Variants in FKBP5 observed in about 807,000 individuals in gnomAD.
The protein encoded by FKBP5 is FKBP prolyl isomerase 5.
Under a neutral mutation model 50.5 loss-of-function variants are expected in FKBP5, and 23 were observed. The observed-to-expected ratio is 0.46, with a 90% CI of 0.33 to 0.65. The LOEUF is 0.65. FKBP5 is among the 30% of genes least tolerant of loss of function. The pLI is 0.02. For missense variants in FKBP5, 411 were observed against 553.1 expected (o/e 0.74, Z 2.58); for synonymous variants, 176 against 190.6 (o/e 0.92, Z 0.63).
intron 1 of FKBP5, among the ~76,000 whole-genome samples, chr6:35,683,120 ATGTG>A (rs35830022): frequency 0.081 from 6,504 of 80,074 alleles, 226 homozygotes; most frequent in South Asian, 0.091. Context: ...ATATACGTAT[ATGTG>A]TGTGTGTGTG....
At chr6:35,669,600 C>T (rs114623987) in intron 1 of FKBP5, among the ~76,000 whole-genome samples, 2,562 of 152,272 alleles carry the variant, frequency 0.017, 36 homozygotes, top group African/African-American at 0.033. Flanking sequence ...TACATAAACA[C>T]ACCCCAGCCA....
intron 1 of FKBP5, among the ~76,000 whole-genome samples, chr6:35,671,279 T>TA (rs1487683400): frequency 6.7e-6 from 1 of 148,732 alleles, no homozygotes; most frequent in Non-Finnish European, 1.5e-5. Flanking sequence ...AAAAAAAAAA[T>TA]AATAAATAAA....
At chr6:35,612,962 G>A (rs955219464) in intron 5 of FKBP5, among the ~76,000 whole-genome samples, 1 of 152,210 alleles carries the variant, frequency 6.6e-6, no homozygotes, top group Admixed American at 6.5e-5. Flanking sequence ...TAAAAAAACT[G>A]AATGCTCCAC....
At chr6:35,656,646 T>C (rs983315567) in intron 1 of FKBP5, among the ~76,000 whole-genome samples, 6 of 152,106 alleles carry the variant, frequency 3.9e-5, no homozygotes, top group Non-Finnish European at 7.4e-5. Flanking sequence ...TCCCAGCACT[T>C]TGGGAGGCCG....
rs764825190 is a variant in FKBP5 at position 35,602,798 on chromosome 6, T to G, written c.509-5394A>C. Among the ~76,000 whole-genome samples, 11 of 152,270 alleles carry G rather than the reference T, an allele frequency of 7.2e-5. 1 individual carries two copies. In the South Asian group the frequency reaches 1.9e-3, roughly 26 times the overall value. On this transcript the variant is annotated intron_variant, in intron 5 of 10. Coordinates refer to ENST00000357266, the MANE Select transcript of FKBP5 (RefSeq NM_004117.4). ...ACTGACGGACAGATGCTAACAGGCG[T>G]GGAACCTGGCTCCTGGAACTGAATA...
rs1380643902 is a variant in FKBP5 at position 35,610,592 on chromosome 6, G to C, written c.508+8504C>G. Reference sequence around the variant, plus strand: ...CAAAAAAAAAAAAAAAAAAAAAAAAGTTTCAAAAAATACATTCATTTTCCC... The same window carrying C: ...CAAAAAAAAAAAAAAAAAAAAAAAACTTTCAAAAAATACATTCATTTTCCC... On this transcript the variant is annotated intron_variant, in intron 5 of 10. Coordinates refer to ENST00000357266, the MANE Select transcript of FKBP5 (RefSeq NM_004117.4). Among the ~76,000 whole-genome samples, 3 of 99,980 alleles carry C rather than the reference G, an allele frequency of 3.0e-5. No homozygotes were observed. In the East Asian group the frequency reaches 9.6e-4, roughly 32 times the overall value. 65.6% of individuals were successfully genotyped at this position (99,980 alleles called of 152,430 possible). A position where few individuals can be genotyped will look rare whatever the true frequency, so the allele number is the denominator to read the frequency against.
intron 1 of FKBP5, among the ~76,000 whole-genome samples, chr6:35,670,235 T>C (rs1311410343): frequency 6.6e-6 from 1 of 152,184 alleles, no homozygotes; most frequent in African/African-American, 2.4e-5. Flanking sequence ...ACATGAATCA[T>C]GATTCACGAT....
chr6:35,591,996 A>C (rs10498734), intron 6 of FKBP5, among the ~76,000 whole-genome samples: 9,701 of 152,290 alleles, frequency 0.064, 462 homozygotes, highest in Admixed American at 0.12. Context: ...CCAGCAAATT[A>C]AATGTATTCG....
intron 1 of FKBP5, among the ~76,000 whole-genome samples, chr6:35,688,282 C>G (rs1028447917): frequency 1.3e-5 from 2 of 152,080 alleles, no homozygotes; most frequent in Non-Finnish European, 2.9e-5. Flanking sequence ...CGCGGCGTCC[C>G]GGCGCTCGGC....
chr6:35,700,985 A>T (rs1766171431), intron 2 of FKBP5, among the ~76,000 whole-genome samples: 3 of 152,058 alleles, frequency 2.0e-5, no homozygotes, highest in African/African-American at 7.2e-5. Flanking sequence ...ATAAATAAAT[A>T]AAAAAATTTA....
chr6:35,696,098 T>G (rs540036199), intron 2 of FKBP5, among the ~76,000 whole-genome samples: 1 of 137,424 alleles, frequency 7.3e-6, no homozygotes, highest in South Asian at 2.3e-4. Flanking sequence ...TGAACCGAGA[T>G]CGTGCCACTG....
intron 2 of FKBP5, among the ~76,000 whole-genome samples, chr6:35,698,461 A>G (rs372474347): frequency 1.3e-5 from 2 of 152,010 alleles, no homozygotes; most frequent in African/African-American, 4.8e-5. Context: ...AGCCTGGCCA[A>G]TATGGTGAAA....
At chr6:35,642,684 G>T in intron 2 of FKBP5, 36 bp downstream of exon 2, 1 of 1,528,026 alleles carries the variant, frequency 6.5e-7, no homozygotes, top group Non-Finnish European at 9.0e-7. Flanking sequence ...CCAGACAGCA[G>T]GTTTCCTTGT....
intron 3 of FKBP5, among the ~76,000 whole-genome samples, chr6:35,629,347 C>T (rs1764086433): frequency 6.6e-6 from 1 of 152,296 alleles, no homozygotes; most frequent in South Asian, 2.1e-4. Flanking sequence ...TTCAACTGAT[C>T]CTCCTGCCTT....
Position 35,589,078 on chromosome 6 carries a change from TTATATATATATTTTTATA to T in FKBP5, c.757-1979_757-1962del, listed in dbSNP as rs1248674627. Among the ~76,000 whole-genome samples, 673 of 137,072 alleles carry T rather than the reference TTATATATATATTTTTATA, an allele frequency of 4.9e-3. 8 individuals carry two copies. The highest frequency in any genetic ancestry group is 0.016 in the African/African-American group (576 of 35,622). 89.9% of individuals were successfully genotyped at this position (137,072 alleles called of 152,430 possible). A position where few individuals can be genotyped will look rare whatever the true frequency, so the allele number is the denominator to read the frequency against. ...TGTGTATGTGTGTGTGTGTATATAT[TTATATATATATTTTTATA>T]TATATATATATTTTTATATATATAT... On this transcript the variant is annotated intron_variant, in intron 7 of 10. Transcript: ENST00000357266.
intron 5 of FKBP5, among the ~76,000 whole-genome samples, chr6:35,611,114 C>T (rs1348776870): frequency 6.6e-6 from 1 of 152,030 alleles, no homozygotes; most frequent in East Asian, 2.0e-4. Context: ...ACACCTGTCT[C>T]GGGTTGGATT....
chr6:35,670,740 AAAAG>A (rs1318419725), intron 1 of FKBP5, among the ~76,000 whole-genome samples: 2 of 151,448 alleles, frequency 1.3e-5, no homozygotes, highest in Admixed American at 6.6e-5. Flanking sequence ...TCAAAAAAAA[AAAAG>A]AAAGAAAAGA....
At chr6:35,722,600 C>T (rs980715542) in intron 1 of FKBP5, among the ~76,000 whole-genome samples, 30 of 152,216 alleles carry the variant, frequency 2.0e-4, no homozygotes, top group African/African-American at 7.2e-4. Flanking sequence ...GGCTCTCCAA[C>T]CTGCACTCCA....
intron 1 of FKBP5, among the ~76,000 whole-genome samples, chr6:35,667,998 T>C (rs1402693043): frequency 6.6e-6 from 1 of 152,110 alleles, no homozygotes; most frequent in African/African-American, 2.4e-5. Flanking sequence ...TTAAATGAAG[T>C]TTAAGGGAAA....
Sources: gnomAD v4.1 joint callset for allele counts (sites outside exome capture counted in the v4.1 genomes callset) on GRCh38, gnomAD v4.1.1 for gene constraint, MANE v1.5 for transcripts, NCBI Gene and HGNC (gene_info 2026-07-23, HGNC 2026-07-21) for gene names.